The following LUZP2 variants were observed in gnomAD, a reference collection of about 807,000 sequenced individuals.
The protein encoded by LUZP2 is leucine zipper protein 2.
In LUZP2, 52 loss-of-function variants were observed where a neutral mutation model predicts 51.6. The observed-to-expected ratio is 1.01, with a 90% CI of 0.81 to 1.27. The LOEUF (loss-of-function observed/expected upper bound fraction) is 1.27, where lower values mean the gene tolerates loss of function less well. Among genes scored for constraint, LUZP2 ranks in the 50% most tolerant of loss-of-function variants. LUZP2 has a pLI of 0.00. For synonymous variants in LUZP2, 154 were observed against 137.3 expected, an observed-to-expected ratio of 1.12 and a Z score of -0.85; for missense variants, 436 against 395.4, an observed-to-expected ratio of 1.10 and a Z score of -0.87.
At chr11:24,709,379 G>T (rs373664601) in intron 1 of LUZP2, among the ~76,000 whole-genome samples, 2 of 152,058 alleles carry the variant, frequency 1.3e-5, no homozygotes, top group East Asian at 1.9e-4. Context: ...AAGACATGGG[G>T]TTATAAAAGA....
chr11:24,582,953 A>G (rs1260545675), intron 1 of LUZP2, among the ~76,000 whole-genome samples: 1 of 152,142 alleles, frequency 6.6e-6, no homozygotes, highest in African/African-American at 2.4e-5. Flanking sequence ...TCTAGAAGAG[A>G]GAATAGGACA....
chr11:25,038,168 C>T (rs1470364866), intron 9 of LUZP2, among the ~76,000 whole-genome samples: 2 of 152,060 alleles, frequency 1.3e-5, no homozygotes, highest in African/African-American at 2.4e-5. Context: ...TGTCCCTTTA[C>T]ATAATCTCAT....
At chr11:24,605,991 T>A (rs1047288297) in intron 1 of LUZP2, among the ~76,000 whole-genome samples, 2 of 151,926 alleles carry the variant, frequency 1.3e-5, no homozygotes, top group African/African-American at 4.8e-5. Context: ...CCACTTAGCA[T>A]AATGTCTTCC....
chr11:24,983,939 A>G (rs921983478), intron 9 of LUZP2, among the ~76,000 whole-genome samples: 3 of 151,676 alleles, frequency 2.0e-5, no homozygotes, highest in African/African-American at 7.3e-5. Flanking sequence ...TCCCTCCACC[A>G]ACCTACTTTA....
rs1848872385 is a variant in LUZP2, at chr11:24,774,926, G to C, written c.396+11618G>C. Among the ~76,000 whole-genome samples the C allele has an allele frequency of 3.3e-5, 5 of 149,950 alleles. No homozygotes were observed. The South Asian group carries it at 1.1e-3, about 32-fold the overall frequency. The stretch of plus-strand genomic sequence containing the variant: ...AATCGTGACTAATACGGCATCTCTA[G>C]AACTTCTTTTCCCAGAGGGATCCCT... On this transcript the variant is annotated intron_variant, in intron 5 of 11. Transcript: ENST00000336930.
At chr11:24,994,892 A>T (rs548096577) in intron 9 of LUZP2, among the ~76,000 whole-genome samples, 1 of 152,164 alleles carries the variant, frequency 6.6e-6, no homozygotes, top group African/African-American at 2.4e-5. Context: ...TGTATGTAAT[A>T]TTCTATATTC....
rs911299411 is a variant in LUZP2, at chr11:25,080,859, G to C, written c.*2201G>C. On this transcript the variant is annotated 3_prime_UTR_variant, in exon 12 of 12. Transcript: ENST00000336930. ...TGGAATGAAAAAAAAGAAGAATCAG[G>C]CTGTTATTTCCTGAAATTGTTATGA... The C allele has an allele frequency of 6.6e-5, 10 of 152,060 alleles. No homozygotes were observed. The highest frequency in any genetic ancestry group is 1.2e-4 in the Non-Finnish European group (8 of 67,994). 9.4% of individuals were successfully genotyped at this position (152,060 alleles called of 1,614,324 possible). A position where few individuals can be genotyped will look rare whatever the true frequency, so the allele number is the denominator to read the frequency against.
At chr11:24,782,670 C>G (rs1849128081) in intron 5 of LUZP2, among the ~76,000 whole-genome samples, 2 of 152,072 alleles carry the variant, frequency 1.3e-5, no homozygotes, top group South Asian at 4.1e-4. Context: ...CCATCACTAC[C>G]CTTGAGGAAC....
intron 5 of LUZP2, among the ~76,000 whole-genome samples, chr11:24,796,759 A>G (rs12577365): frequency 0.34 from 51,943 of 151,890 alleles, 9,474 homozygotes; most frequent in East Asian, 0.51. Flanking sequence ...CACACTTGAC[A>G]TGATTTAGAT....
At chr11:24,747,200 TG>T (rs1480699276) in intron 4 of LUZP2, among the ~76,000 whole-genome samples, 8 of 152,210 alleles carry the variant, frequency 5.3e-5, no homozygotes, top group African/African-American at 1.7e-4. Context: ...GGTCCAGGGC[TG>T]AAAGCTGTTG....
intron 1 of LUZP2, among the ~76,000 whole-genome samples, chr11:24,704,674 A>G (rs1049438803): frequency 2.6e-5 from 4 of 152,112 alleles, no homozygotes; most frequent in Non-Finnish European, 4.4e-5. Context: ...TTGTTACAGA[A>G]CCATAAGTTC....
rs904427481 is a variant in LUZP2 at position 24,922,865 on chromosome 11, T to C, written c.522+8327T>C. Among the ~76,000 whole-genome samples, 6 of 127,468 alleles carry C rather than the reference T, an allele frequency of 4.7e-5. No homozygotes were observed. The Admixed American group carries it at 5.4e-4, about 11-fold the overall frequency. 83.6% of individuals were successfully genotyped at this position (127,468 alleles called of 152,430 possible). A position where few individuals can be genotyped will look rare whatever the true frequency, so the allele number is the denominator to read the frequency against. ...TTTTTTTTTTTTTTTTTTTTTTTTT[T>C]TTAGAGGGAGTCTCGCTCCATTGCC... On this transcript the variant is annotated intron_variant, in intron 7 of 11. Transcript: ENST00000336930.
chr11:25,025,694 G>T (rs1174866211), intron 9 of LUZP2, among the ~76,000 whole-genome samples: 1 of 152,162 alleles, frequency 6.6e-6, no homozygotes, highest in Non-Finnish European at 1.5e-5. Flanking sequence ...CACTGTTGAT[G>T]GGACTGTAAA....
At chr11:24,958,581 C>A (rs1027153067) in intron 7 of LUZP2, among the ~76,000 whole-genome samples, 11 of 152,088 alleles carry the variant, frequency 7.2e-5, no homozygotes, top group Non-Finnish European at 1.2e-4. Flanking sequence ...ATGTCCTTCA[C>A]CCACTTTTTG....
At chr11:24,972,351 T>G (rs1855765523) in intron 7 of LUZP2, among the ~76,000 whole-genome samples, 1 of 152,056 alleles carries the variant, frequency 6.6e-6, no homozygotes, top group African/African-American at 2.4e-5. Context: ...GGTACTACTC[T>G]AAGTATTTTA....
chr11:24,649,364 C>T (rs1855556606), intron 1 of LUZP2, among the ~76,000 whole-genome samples: 1 of 151,976 alleles, frequency 6.6e-6, no homozygotes, highest in South Asian at 2.1e-4. Context: ...CTCCTTCAAA[C>T]TTGGAACATA....
intron 10 of LUZP2, among the ~76,000 whole-genome samples, chr11:25,057,017 T>C (rs1424381247): frequency 6.6e-6 from 1 of 152,168 alleles, no homozygotes; most frequent in Non-Finnish European, 1.5e-5. Flanking sequence ...GGACAATCAC[T>C]TGAACCTGGG....
At chr11:24,604,278 C>T (rs1399807103) in intron 1 of LUZP2, among the ~76,000 whole-genome samples, 1 of 151,724 alleles carries the variant, frequency 6.6e-6, no homozygotes, top group Admixed American at 6.6e-5. Flanking sequence ...ATCCTGCAAG[C>T]ACATTACTAT....
At chr11:24,939,814 A>G (rs903418051) in intron 7 of LUZP2, among the ~76,000 whole-genome samples, 7 of 152,162 alleles carry the variant, frequency 4.6e-5, no homozygotes, top group Non-Finnish European at 1.0e-4. Context: ...TTTTATATAT[A>G]TAGTGCTTCT....
Sources: gnomAD v4.1 joint callset for allele counts (sites outside exome capture counted in the v4.1 genomes callset) on GRCh38, gnomAD v4.1.1 for gene constraint, MANE v1.5 for transcripts, NCBI Gene and HGNC (gene_info 2026-07-23, HGNC 2026-07-21) for gene names.